The following DNAJC5B variants were observed in gnomAD, a reference collection of about 807,000 sequenced individuals.
DNAJC5B encodes the protein dnaJ homolog subfamily C member 5B.
In DNAJC5B, 23 loss-of-function variants were observed where a neutral mutation model predicts 24.7. The observed-to-expected ratio is 0.93, with a 90% CI of 0.67 to 1.32. The LOEUF (loss-of-function observed/expected upper bound fraction) is 1.32. Ranked by LOEUF, DNAJC5B falls within the 40% of genes most tolerant of loss-of-function variation. The pLI is 0.00. For missense variants in DNAJC5B, 238 were observed against 240.8 expected, an observed-to-expected ratio of 0.99 and a Z score of 0.08; for synonymous variants, 101 against 90.1, an observed-to-expected ratio of 1.12 and a Z score of -0.68.
Position 66,022,537 on chromosome 8 carries a change from GTCCATGT to G in DNAJC5B, c.-142+835_-142+841del, listed in dbSNP as rs1447343016. ...CGATGCTCCCTCAGTGGGAGTAAGA[GTCCATGT>G]TCTGACAGGTAGGTCAGTTACCCAC... On this transcript the variant is annotated intron_variant, in intron 1 of 5. Coordinates refer to ENST00000276570, the MANE Select transcript of DNAJC5B (RefSeq NM_033105.6). Among the ~76,000 whole-genome samples the G allele has an allele frequency of 9.2e-5, 14 of 152,302 alleles. No homozygotes were observed. In the East Asian group the frequency reaches 2.7e-3, roughly 29 times the overall value.
chr8:66,031,732 C>T (rs532558302), intron 1 of DNAJC5B, among the ~76,000 whole-genome samples: 86 of 152,228 alleles, frequency 5.6e-4, no homozygotes, highest in Admixed American at 9.8e-4. Context: ...CTTTTTCTTC[C>T]ATTCAGGCCT....
chr8:66,027,954 C>A (rs184950350), intron 1 of DNAJC5B, among the ~76,000 whole-genome samples: 1 of 152,310 alleles, frequency 6.6e-6, no homozygotes, highest in East Asian at 1.9e-4. Flanking sequence ...AAGTTGGGCT[C>A]TTTAAGAGTT....
intron 3 of DNAJC5B, 140 bp from the exon 4 acceptor site, chr8:66,076,520 A>T: frequency 1.2e-6 from 1 of 859,526 alleles, no homozygotes; most frequent in Non-Finnish European, 1.8e-6. Context: ...TGTACTTGTT[A>T]ATCACCGCTA....
At position 66,076,650 on chromosome 8, in the gene DNAJC5B, A is replaced by G; in HGVS notation, c.120-10A>G. The G allele has an allele frequency of 6.2e-7, 1 of 1,613,194 alleles. No individual in the cohort carries two copies. Among genetic ancestry groups the G allele is most frequent in the East Asian group, 2.2e-5 (1 of 44,882 alleles). ...AACACACTCTCCTTGTTTTTCTTTT[A>G]TTTTAAAAGAAAATTGGCCCTGAAA... On this transcript the variant is annotated splice_polypyrimidine_tract_variant and intron_variant, in intron 3 of 5. Transcript: ENST00000276570.
intron 1 of DNAJC5B, 34 bp downstream of exon 1, chr8:66,021,739 T>C (rs1402858411): frequency 6.6e-6 from 1 of 152,174 alleles, no homozygotes; most frequent in African/African-American, 2.4e-5. Context: ...AAGAATAGTA[T>C]AAGCACAGAC....
At chr8:66,080,632 A>C in intron 5 of DNAJC5B, 84 bp downstream of exon 5, 1 of 1,235,722 alleles carries the variant, frequency 8.1e-7, no homozygotes, top group South Asian at 1.6e-5. Context: ...AGCTATCACT[A>C]TAGTAGGAGA....
intron 3 of DNAJC5B, among the ~76,000 whole-genome samples, chr8:66,076,023 GA>G (rs1420956864): frequency 2.0e-5 from 3 of 152,226 alleles, no homozygotes; most frequent in Non-Finnish European, 4.4e-5. Flanking sequence ...CTGATCCACA[GA>G]GGAGAAGGCC....
intron 3 of DNAJC5B, among the ~76,000 whole-genome samples, chr8:66,067,329 A>T (rs1414450107): frequency 6.6e-6 from 1 of 152,108 alleles, no homozygotes; most frequent in African/African-American, 2.4e-5. Flanking sequence ...CAGACAAAAG[A>T]GGAGAAAACT....
intron 1 of DNAJC5B, among the ~76,000 whole-genome samples, chr8:66,034,993 T>C (rs1479616063): frequency 1.3e-5 from 2 of 152,236 alleles, no homozygotes; most frequent in Non-Finnish European, 2.9e-5. Flanking sequence ...CATTAAAAAC[T>C]GTGCTAAATA....
intron 1 of DNAJC5B, among the ~76,000 whole-genome samples, chr8:66,029,279 A>G (rs889057431): frequency 6.6e-6 from 1 of 152,242 alleles, no homozygotes. Flanking sequence ...TGAGACAGGG[A>G]ACAGCATGTG....
upstream of DNAJC5B, among the ~76,000 whole-genome samples, chr8:66,016,698 A>G (rs1293405021): frequency 6.6e-6 from 1 of 152,256 alleles, no homozygotes; most frequent in Non-Finnish European, 1.5e-5. Flanking sequence ...CTCTCAGGCC[A>G]CAGCAGAGAC....
At chr8:66,033,925 G>A (rs1215564707) in intron 1 of DNAJC5B, among the ~76,000 whole-genome samples, 1 of 152,068 alleles carries the variant, frequency 6.6e-6, no homozygotes, top group East Asian at 1.9e-4. Flanking sequence ...TTCTGGATAC[G>A]AAGGTCTCAC....
upstream of DNAJC5B, among the ~76,000 whole-genome samples, chr8:66,018,154 G>A (rs1486069284): frequency 1.3e-5 from 2 of 152,282 alleles, no homozygotes; most frequent in East Asian, 3.9e-4. Context: ...TGCTAAAAGT[G>A]TCAAGTCTTG....
At chr8:66,099,063 C>A (rs1284862393) in intron 5 of DNAJC5B, among the ~76,000 whole-genome samples, 1 of 151,226 alleles carries the variant, frequency 6.6e-6, no homozygotes, top group African/African-American at 2.4e-5. Flanking sequence ...CACACACACA[C>A]AACTTCTATT....
rs1288059672 is a variant in DNAJC5B, at chr8:66,028,046, C to T, written c.-142+6341C>T. Among the ~76,000 whole-genome samples, 11 of 152,246 alleles carry T rather than the reference C, an allele frequency of 7.2e-5. No homozygotes were observed. In the South Asian group the frequency reaches 8.3e-4, roughly 11 times the overall value. ...ACTACAAAACTATGTGAAAAATGTG[C>T]GCACTGTGAACTTCAAAGTGCCCCA... On this transcript the variant is annotated intron_variant, in intron 1 of 5. Coordinates refer to ENST00000276570, the MANE Select transcript of DNAJC5B (RefSeq NM_033105.6).
At chr8:66,067,976 T>C (rs1451114004) in intron 3 of DNAJC5B, among the ~76,000 whole-genome samples, 1 of 152,232 alleles carries the variant, frequency 6.6e-6, no homozygotes, top group East Asian at 1.9e-4. Flanking sequence ...ACCAGTCTTG[T>C]ATGGACTGCA....
intron 4 of DNAJC5B, among the ~76,000 whole-genome samples, chr8:66,079,375 A>G (rs1321753809): frequency 6.6e-6 from 1 of 152,194 alleles, no homozygotes; most frequent in Non-Finnish European, 1.5e-5. Flanking sequence ...TAAAAGTATC[A>G]CTTAAAAAAA....
At chr8:66,062,043 A>C (rs1474974892) in intron 3 of DNAJC5B, among the ~76,000 whole-genome samples, 1 of 152,216 alleles carries the variant, frequency 6.6e-6, no homozygotes, top group Non-Finnish European at 1.5e-5. Context: ...AGCCTCACAG[A>C]CAGTAGTTCC....
chr8:66,059,524 G>A (rs1411472135), intron 3 of DNAJC5B, among the ~76,000 whole-genome samples: 4 of 152,194 alleles, frequency 2.6e-5, no homozygotes, highest in Admixed American at 2.0e-4. Flanking sequence ...TGGGATGATT[G>A]AACAATTGGG....
Sources: allele counts gnomAD v4.1 joint callset (sites outside exome capture counted in the v4.1 genomes callset), GRCh38; gene constraint gnomAD v4.1.1; transcripts MANE v1.5; gene names NCBI Gene and HGNC (gene_info 2026-07-23, HGNC 2026-07-21).